The following PTPRG variants were observed in gnomAD, a reference collection of about 807,000 sequenced individuals.
PTPRG encodes receptor-type tyrosine-protein phosphatase gamma.
PTPRG carries 102 observed loss-of-function variants against 165.3 expected under a neutral mutation model. That is an observed-to-expected ratio of 0.62 (90% CI 0.53 to 0.73). The LOEUF (loss-of-function observed/expected upper bound fraction) is 0.73. PTPRG is among the 30% of genes least tolerant of loss of function. The pLI is 0.00. For synonymous variants in PTPRG, 675 were observed against 669.5 expected (o/e 1.01, Z -0.13); for missense variants, 1,866 against 1,861.4 (o/e 1.00, Z -0.05).
At chr3:61,904,216 G>T (rs1441271028) in intron 2 of PTPRG, among the ~76,000 whole-genome samples, 2 of 152,144 alleles carry the variant, frequency 1.3e-5, no homozygotes, top group Non-Finnish European at 2.9e-5. Context: ...AGACTTGCCA[G>T]TACCCACCAC....
intron 1 of PTPRG, among the ~76,000 whole-genome samples, chr3:61,589,280 A>G (rs1482523671): frequency 6.6e-6 from 1 of 152,150 alleles, no homozygotes; most frequent in Non-Finnish European, 1.5e-5. Context: ...TATTTATTAT[A>G]TGGCCTGTTA....
chr3:62,246,347 G>T lies in PTPRG; in HGVS notation c.2467+2449G>T, dbSNP rs184747921. On this transcript the variant is annotated intron_variant, in intron 15 of 29. Transcript: ENST00000474889. Reference sequence around the variant, plus strand: ...GCTAACATAGCCTTATTAGGAGTATGCCTAAACAAATGAACTTACTTCACC... The same window carrying T: ...GCTAACATAGCCTTATTAGGAGTATTCCTAAACAAATGAACTTACTTCACC... Among the ~76,000 whole-genome samples the T allele has an allele frequency of 3.5e-3, 533 of 152,278 alleles. 3 individuals carry two copies. The highest frequency in any genetic ancestry group is 0.014 in the Middle Eastern group (4 of 294).
intron 2 of PTPRG, among the ~76,000 whole-genome samples, chr3:61,795,176 C>T (rs894095603): frequency 2.0e-5 from 3 of 152,136 alleles, no homozygotes; most frequent in Non-Finnish European, 4.4e-5. Flanking sequence ...TAAGGTCATA[C>T]AACTAATAAG....
chr3:61,657,719 A>G (rs1286709949), intron 1 of PTPRG, among the ~76,000 whole-genome samples: 3 of 152,212 alleles, frequency 2.0e-5, no homozygotes, highest in Non-Finnish European at 4.4e-5. Context: ...AATTGATGAT[A>G]AATGAAAGGA....
intron 2 of PTPRG, among the ~76,000 whole-genome samples, chr3:61,951,870 AG>A (rs904928582): frequency 3.9e-5 from 6 of 152,192 alleles, no homozygotes; most frequent in Admixed American, 3.9e-4. Context: ...CTGTAATCCC[AG>A]CACTTTGGGA....
chr3:61,992,800 G>A (rs552623315), intron 3 of PTPRG, among the ~76,000 whole-genome samples: 2 of 152,242 alleles, frequency 1.3e-5, no homozygotes, highest in South Asian at 2.1e-4. Flanking sequence ...GGGATTACAG[G>A]CGTGAGCCAC....
At chr3:62,146,425 C>G (rs60822120) in intron 6 of PTPRG, among the ~76,000 whole-genome samples, 4,104 of 152,156 alleles carry the variant, frequency 0.027, 162 homozygotes, top group African/African-American at 0.089. Context: ...AGGCCACCTG[C>G]TTCAGACCCC....
chr3:62,129,720 C>T (rs1053837594), intron 5 of PTPRG, among the ~76,000 whole-genome samples: 2 of 152,126 alleles, frequency 1.3e-5, no homozygotes, highest in South Asian at 2.1e-4. Context: ...GTTTCCAACA[C>T]GTGAAATGTT....
intron 2 of PTPRG, among the ~76,000 whole-genome samples, chr3:61,822,911 A>G (rs1345393128): frequency 6.6e-6 from 1 of 152,220 alleles, no homozygotes; most frequent in African/African-American, 2.4e-5. Context: ...GATTCGTTAC[A>G]TGGCCGATGG....
intron 6 of PTPRG, among the ~76,000 whole-genome samples, chr3:62,146,549 T>G (rs1010738722): frequency 1.3e-5 from 2 of 151,972 alleles, no homozygotes; most frequent in African/African-American, 4.8e-5. Context: ...GGAGAGTGTT[T>G]CACAGGCAAA....
At chr3:61,867,922 G>C (rs531222356) in intron 2 of PTPRG, among the ~76,000 whole-genome samples, 1 of 152,146 alleles carries the variant, frequency 6.6e-6, no homozygotes, top group Non-Finnish European at 1.5e-5. Flanking sequence ...CTTCCACAGG[G>C]AGTCTGAGAC....
chr3:61,882,353 G>C (rs913613807), intron 2 of PTPRG, among the ~76,000 whole-genome samples: 1 of 152,150 alleles, frequency 6.6e-6, no homozygotes, highest in African/African-American at 2.4e-5. Context: ...ACTCTGTTTT[G>C]GGAAGCCAAA....
intron 2 of PTPRG, among the ~76,000 whole-genome samples, chr3:61,965,910 A>G (rs1575830860): frequency 1.3e-5 from 2 of 152,182 alleles, no homozygotes; most frequent in Non-Finnish European, 2.9e-5. Flanking sequence ...GCTATGCATG[A>G]TTTCTTTCTT....
intron 2 of PTPRG, among the ~76,000 whole-genome samples, chr3:61,908,427 A>AG (rs2038714501): frequency 6.6e-6 from 1 of 151,842 alleles, no homozygotes. Context: ...AAAAAAAAAA[A>AG]AAAAAAATCA....
chr3:61,625,457 C>T (rs2106912956), intron 1 of PTPRG, among the ~76,000 whole-genome samples: 1 of 152,196 alleles, frequency 6.6e-6, no homozygotes, highest in Non-Finnish European at 1.5e-5. Context: ...AATCTAAGGG[C>T]TTGTAATGGG....
At chr3:62,005,690 CTTTTTTTTT>C (rs35487954) in intron 4 of PTPRG, among the ~76,000 whole-genome samples, 9 of 60,304 alleles carry the variant, frequency 1.5e-4, no homozygotes, top group African/African-American at 5.3e-4. Flanking sequence ...CATTAATATC[CTTTTTTTTT>C]TTTTTTTTTT....
At chr3:62,285,536 G>C (rs1702616480) in intron 28 of PTPRG, among the ~76,000 whole-genome samples, 1 of 123,066 alleles carries the variant, frequency 8.1e-6, no homozygotes, top group Non-Finnish European at 1.7e-5. Context: ...GGGGGGGGGG[G>C]TCTCAGGTGT....
chr3:62,070,460 A>G (rs1208010756), intron 4 of PTPRG, among the ~76,000 whole-genome samples: 1 of 152,174 alleles, frequency 6.6e-6, no homozygotes, highest in East Asian at 1.9e-4. Flanking sequence ...GCTCCCACTC[A>G]TTTTATTCAT....
chr3:61,852,498 T>G (rs1292617663), intron 2 of PTPRG, among the ~76,000 whole-genome samples: 1 of 152,198 alleles, frequency 6.6e-6, no homozygotes, highest in Non-Finnish European at 1.5e-5. Context: ...CTGAAGAGTT[T>G]TTTAAAAACC....
Sources: allele counts gnomAD v4.1 joint callset (sites outside exome capture counted in the v4.1 genomes callset), GRCh38; gene constraint gnomAD v4.1.1; transcripts MANE v1.5; gene names NCBI Gene and HGNC (gene_info 2026-07-23, HGNC 2026-07-21).